Variants in ANOS1 observed in about 807,000 individuals in gnomAD.
ANOS1 encodes anosmin-1.
A neutral mutation model predicts 59.0 loss-of-function variants in ANOS1; 6 were observed. The observed-to-expected ratio is 0.10, with a 90% CI of 0.06 to 0.20. The LOEUF is 0.20. Ranked by LOEUF, ANOS1 falls within the 10% of genes least tolerant of loss-of-function variation. The pLI is 1.00. For synonymous variants in ANOS1, 217 were observed against 223.4 expected, an observed-to-expected ratio of 0.97 and a Z score of 0.25; for missense variants, 433 against 542.3, an observed-to-expected ratio of 0.80 and a Z score of 2.00.
chrX:8,645,866 G>A (rs1217733498), intron 2 of ANOS1, among the ~76,000 whole-genome samples: 1 of 112,285 alleles, frequency 8.9e-6, no homozygotes, highest in East Asian at 2.8e-4. Flanking sequence ...ACGTGGTCTC[G>A]ATCTCCTGAC....
chrX:8,534,832 C>T (rs150430030), intron 12 of ANOS1, among the ~76,000 whole-genome samples: 1,994 of 111,757 alleles, frequency 0.018, 42 homozygotes, highest in African/African-American at 0.059. Flanking sequence ...CTTGATAGTC[C>T]AAATTTCAGT....
intron 1 of ANOS1, among the ~76,000 whole-genome samples, chrX:8,702,778 A>T (rs1010944625): frequency 2.7e-5 from 3 of 111,917 alleles, no homozygotes; most frequent in African/African-American, 9.7e-5. Context: ...CTCCTCCCCA[A>T]CCAGTGATGG....
intron 1 of ANOS1, among the ~76,000 whole-genome samples, chrX:8,702,013 T>C (rs1292010961): frequency 9.0e-6 from 1 of 111,700 alleles, no homozygotes; most frequent in African/African-American, 3.3e-5. Flanking sequence ...CTTAGGATTT[T>C]AGCCAGCCTT....
At chrX:8,575,008 C>G (rs1389740086) in intron 6 of ANOS1, among the ~76,000 whole-genome samples, 1 of 111,952 alleles carries the variant, frequency 8.9e-6, no homozygotes, top group African/African-American at 3.2e-5. Context: ...TCCAGAAGAG[C>G]ACCTAGCACA....
At chrX:8,672,754 T>A (rs1012668558) in intron 2 of ANOS1, among the ~76,000 whole-genome samples, 3 of 111,975 alleles carry the variant, frequency 2.7e-5, no homozygotes, top group African/African-American at 9.7e-5. Flanking sequence ...ATATCCTGAT[T>A]GTAACAGGAA....
intron 2 of ANOS1, among the ~76,000 whole-genome samples, chrX:8,645,357 G>C (rs1199980192): frequency 8.9e-6 from 1 of 111,813 alleles, no homozygotes; most frequent in Non-Finnish European, 1.9e-5. Flanking sequence ...AATGTGAATT[G>C]ACAAAGATTC....
In ANOS1 at chrX:8,531,724, T is replaced by G. The variant is rs370000363; in HGVS notation, c.*1271A>C. The stretch of plus-strand genomic sequence containing the variant: ...GTATATGTACATATATTTGCATATA[T>G]ATACACATGCATTTATAATTATATA... On this transcript the variant is annotated 3_prime_UTR_variant, in exon 14 of 14. Coordinates refer to ENST00000262648, the MANE Select transcript of ANOS1 (RefSeq NM_000216.4). 5 of 111,623 alleles carry G rather than the reference T, an allele frequency of 4.5e-5. No individual in the cohort carries two copies. The highest frequency in any genetic ancestry group is 1.6e-4 in the African/African-American group (5 of 30,767). 9.2% of individuals were successfully genotyped at this position (111,623 alleles called of 1,213,427 possible). A position where few individuals can be genotyped will look rare whatever the true frequency, so the allele number is the denominator to read the frequency against.
chrX:8,614,537 A>G (rs1276012495), intron 3 of ANOS1, among the ~76,000 whole-genome samples: 1 of 111,652 alleles, frequency 9.0e-6, no homozygotes, highest in Non-Finnish European at 1.9e-5. Context: ...CTGACCTCCA[A>G]TAGAATTAAA....
At chrX:8,594,910 C>A (rs1024554679) in intron 4 of ANOS1, among the ~76,000 whole-genome samples, 1 of 105,500 alleles carries the variant, frequency 9.5e-6, no homozygotes, top group Non-Finnish European at 1.9e-5. Flanking sequence ...AAGTTAAGAG[C>A]TAATTTGTAG....
At chrX:8,619,175 C>G (rs1327168092) in intron 3 of ANOS1, among the ~76,000 whole-genome samples, 1 of 108,641 alleles carries the variant, frequency 9.2e-6, no homozygotes, top group Non-Finnish European at 1.9e-5. Context: ...ATTTGCCTAT[C>G]TATGTATCTA....
chrX:8,626,588 G>A (rs911303545), intron 2 of ANOS1, among the ~76,000 whole-genome samples: 1 of 110,984 alleles, frequency 9.0e-6, no homozygotes, highest in African/African-American at 3.3e-5. Flanking sequence ...GGCCGGGCGC[G>A]GTGGCTCACG....
Position 8,623,727 on chromosome X carries a change from G to A in ANOS1, c.256-57C>T, listed in dbSNP as rs780970185. The A allele has an allele frequency of 5.8e-4, 547 of 938,158 alleles. 3 individuals carry two copies. In the South Asian group the frequency reaches 8.4e-3, roughly 14 times the overall value. The allele number at this position is 938,158 out of a possible 1,213,427, so 77.3% of individuals were successfully genotyped here. A position where few individuals can be genotyped will look rare whatever the true frequency, so the allele number is the denominator to read the frequency against. The stretch of plus-strand genomic sequence containing the variant: ...ACATGGAAACAAACAAAGCTGAGAG[G>A]AAAAAAGAATTCACCTGTGATTGTT... On this transcript the variant is annotated intron_variant, in intron 2 of 13. Coordinates refer to ENST00000262648, the MANE Select transcript of ANOS1 (RefSeq NM_000216.4).
At position 8,576,467 on chromosome X, in the gene ANOS1, TACACACACACACACACACACACATACAC is replaced by T. The variant is rs1301556583; in HGVS notation, c.857-5791_857-5764del. ...TCCATGTGAAATTTATATATATATATACACACACACACACACACACACATACACACACACACACACACACACACACATA... is the reference window on the plus strand; with the variant it reads ...TCCATGTGAAATTTATATATATATATACACACACACACACACACACACATA... On this transcript the variant is annotated intron_variant, in intron 6 of 13. Coordinates refer to ENST00000262648, the MANE Select transcript of ANOS1 (RefSeq NM_000216.4). 1.8e-3 allele frequency among the ~76,000 whole-genome samples: 180 copies of T among 100,051 alleles called. 1 individual carries two copies. The highest frequency in any genetic ancestry group is 6.6e-3 in the African/African-American group (177 of 26,988). The allele number at this position is 100,051 out of a possible 115,157, so 86.9% of individuals were successfully genotyped here.
intron 2 of ANOS1, among the ~76,000 whole-genome samples, chrX:8,658,898 G>A (rs986201917): frequency 9.0e-6 from 1 of 111,071 alleles, no homozygotes; most frequent in Admixed American, 9.6e-5. Context: ...GACCAGCTTG[G>A]GCAACATAGA....
chrX:8,568,185 G>A (rs779541521), intron 8 of ANOS1, 47 bp downstream of exon 8: 52 of 1,172,644 alleles, frequency 4.4e-5, no homozygotes, highest in South Asian at 4.2e-4. Context: ...GTGATATGGC[G>A]CCCATCATGT....
At chrX:8,592,854 CTGTT>C in intron 4 of ANOS1, among the ~76,000 whole-genome samples, 1 of 111,770 alleles carries the variant, frequency 8.9e-6, no homozygotes, top group South Asian at 3.7e-4. Flanking sequence ...AGGATCTCTG[CTGTT>C]TGTTTTAAAC....
intron 2 of ANOS1, among the ~76,000 whole-genome samples, chrX:8,666,964 A>G (rs1024244983): frequency 2.7e-5 from 3 of 112,046 alleles, no homozygotes; most frequent in Non-Finnish European, 5.6e-5. Context: ...CAGTAGGAAT[A>G]GCCAGGGAGA....
intron 3 of ANOS1, among the ~76,000 whole-genome samples, chrX:8,622,624 T>C (rs746517410): frequency 8.9e-6 from 1 of 111,839 alleles, no homozygotes; most frequent in African/African-American, 3.3e-5. Context: ...ACTGCCAAAA[T>C]GGACTCTTTT....
At chrX:8,542,969 A>G (rs1929712142) in intron 9 of ANOS1, among the ~76,000 whole-genome samples, 1 of 110,446 alleles carries the variant, frequency 9.1e-6, no homozygotes, top group Non-Finnish European at 1.9e-5. Context: ...TCATGCAGAC[A>G]CTCCTCTCGT....
Sources: gnomAD v4.1 joint callset for allele counts (sites outside exome capture counted in the v4.1 genomes callset) on GRCh38, gnomAD v4.1.1 for gene constraint, MANE v1.5 for transcripts, NCBI Gene and HGNC (gene_info 2026-07-23, HGNC 2026-07-21) for gene names.